Variants in DGKI observed in about 807,000 individuals in gnomAD.
The protein encoded by DGKI is DAG kinase iota.
DGKI carries 55 observed loss-of-function variants against 147.5 expected under a neutral mutation model. The observed-to-expected ratio is 0.37, with a 90% confidence interval of 0.30 to 0.47. The LOEUF (loss-of-function observed/expected upper bound fraction) is 0.47. Among genes scored for constraint, DGKI ranks in the 20% least tolerant of loss-of-function variants. DGKI has a pLI of 1.00. For missense variants in DGKI, 1,007 were observed against 1,323.8 expected (o/e 0.76, Z 3.71); for synonymous variants, 469 against 477.1 (o/e 0.98, Z 0.22).
At chr7:137,804,335 C>G (rs755943587) in intron 1 of DGKI, among the ~76,000 whole-genome samples, 2 of 152,178 alleles carry the variant, frequency 1.3e-5, no homozygotes, top group Non-Finnish European at 2.9e-5. Flanking sequence ...CAAGAAAGCA[C>G]TCAGAACATT....
chr7:137,703,145 G>A (rs773021774), intron 1 of DGKI, among the ~76,000 whole-genome samples: 2 of 152,162 alleles, frequency 1.3e-5, no homozygotes, highest in Admixed American at 6.5e-5. Context: ...TGACTGGAAG[G>A]TCTCCGGAAA....
At chr7:137,431,638 C>T (rs964143570) in intron 28 of DGKI, among the ~76,000 whole-genome samples, 3 of 152,158 alleles carry the variant, frequency 2.0e-5, no homozygotes, top group African/African-American at 7.2e-5. Context: ...CAGGTATCTC[C>T]AAAATACTTT....
intron 30 of DGKI, among the ~76,000 whole-genome samples, chr7:137,400,068 C>T (rs894157023): frequency 1.3e-5 from 2 of 152,182 alleles, no homozygotes; most frequent in African/African-American, 4.8e-5. Context: ...GATATGGGAT[C>T]ATCAGTGAAG....
rs777803613 is a variant in DGKI at position 137,619,911 on chromosome 7, C to T, written c.906G>A (p.Leu302=). The T allele has an allele frequency of 2.5e-6, 4 of 1,613,790 alleles. No homozygotes were observed. In the Admixed American group the frequency reaches 5.0e-5, roughly 20 times the overall value. ...AFHNKVTCFM[L]HHIEEPCSLG... ...GGGAGCAGGGTTCTTCAATGTGATG[C>T]AGCATGAAGCAGGTCACCTTATTGT... The change falls in exon 8 of 33, where the codon CTG becomes CTA. Residue 302 remains leucine, a synonymous_variant. Transcript: ENST00000614521.
intron 6 of DGKI, among the ~76,000 whole-genome samples, chr7:137,643,148 G>C (rs376606333): frequency 2.0e-5 from 3 of 151,474 alleles, no homozygotes; most frequent in Admixed American, 2.0e-4. Flanking sequence ...AAAATTAGCC[G>C]GGCGTGTTGG....
intron 19 of DGKI, among the ~76,000 whole-genome samples, chr7:137,566,780 A>G (rs562251880): frequency 1.2e-3 from 178 of 152,252 alleles, no homozygotes; most frequent in African/African-American, 4.0e-3. Context: ...CTCTCCTGAA[A>G]AGATCTCCTG....
At chr7:137,774,687 G>C (rs1250603997) in intron 1 of DGKI, 1 of 152,150 alleles carries the variant, frequency 6.6e-6, no homozygotes, top group African/African-American at 2.4e-5. Context: ...CCCTTACCAA[G>C]TGGCATCTCC....
At chr7:137,649,042 A>G (rs1748962769) in intron 5 of DGKI, among the ~76,000 whole-genome samples, 1 of 152,108 alleles carries the variant, frequency 6.6e-6, no homozygotes, top group Admixed American at 6.6e-5. Flanking sequence ...GATGTCCAGC[A>G]TCCTTCTGTT....
At chr7:137,439,441 A>G (rs1813409078) in intron 28 of DGKI, among the ~76,000 whole-genome samples, 1 of 152,216 alleles carries the variant, frequency 6.6e-6, no homozygotes, top group Admixed American at 6.5e-5. Context: ...GATGTCTTAC[A>G]TGGTGGCAGG....
intron 1 of DGKI, among the ~76,000 whole-genome samples, chr7:137,788,248 C>T (rs928025108): frequency 6.6e-6 from 1 of 152,058 alleles, no homozygotes; most frequent in African/African-American, 2.4e-5. Flanking sequence ...AGTTCTGGAG[C>T]CACATTTCCA....
intron 30 of DGKI, among the ~76,000 whole-genome samples, chr7:137,399,330 A>G (rs1444252135): frequency 2.6e-5 from 4 of 152,050 alleles, no homozygotes; most frequent in Non-Finnish European, 5.9e-5. Context: ...CACCTACCCT[A>G]TATTAAGGAA....
chr7:137,846,159 TCTCACACACACACACACA>T lies in DGKI; in HGVS notation c.401+285_401+302del, dbSNP rs1798717211. ...TTCTCTCTCTCTCTCTCTCTCTCTCTCTCACACACACACACACACACACACACACACACACACACACAC... is the reference window on the plus strand; with the variant it reads ...TTCTCTCTCTCTCTCTCTCTCTCTCTCACACACACACACACACACACACAC... On this transcript the variant is annotated intron_variant, in intron 1 of 32. Coordinates refer to ENST00000614521, the MANE Select transcript of DGKI (RefSeq NM_001321708.2). This position sits in a 1 kb window ranked among gnomAD's most constrained non-coding sequence, Gnocchi z 4.0. Among the ~76,000 whole-genome samples the T allele has an allele frequency of 2.3e-5, 3 of 130,134 alleles. No individual in the cohort carries two copies. Among genetic ancestry groups the T allele is most frequent in the Admixed American group, 7.7e-5 (1 of 13,038 alleles). The allele number at this position is 130,134 out of a possible 152,430, so 85.4% of individuals were successfully genotyped here. A position where few individuals can be genotyped will look rare whatever the true frequency, so the allele number is the denominator to read the frequency against.
chr7:137,634,438 C>T (rs1821240296), intron 6 of DGKI, among the ~76,000 whole-genome samples: 1 of 152,206 alleles, frequency 6.6e-6, no homozygotes. Context: ...GGGAACTATA[C>T]ACCTTTCAAA....
intron 3 of DGKI, among the ~76,000 whole-genome samples, chr7:137,673,090 CTCTTA>C (rs149011809): frequency 0.043 from 6,581 of 152,122 alleles, 480 homozygotes; most frequent in African/African-American, 0.15. Flanking sequence ...CGTGTGTCTT[CTCTTA>C]TAACGGCACA....
intron 1 of DGKI, among the ~76,000 whole-genome samples, chr7:137,793,241 T>C (rs1796916474): frequency 6.6e-6 from 1 of 152,138 alleles, no homozygotes; most frequent in South Asian, 2.1e-4. Context: ...AAAAAAGCCC[T>C]AGTTAGTCTA....
chr7:137,554,527 G>A (rs559881159), intron 19 of DGKI, among the ~76,000 whole-genome samples: 1 of 152,226 alleles, frequency 6.6e-6, no homozygotes, highest in African/African-American at 2.4e-5. Context: ...ATTGACCCAA[G>A]ACCATAGCTC....
chr7:137,534,953 CACAG>C (rs1817468380), intron 20 of DGKI, among the ~76,000 whole-genome samples: 1 of 152,014 alleles, frequency 6.6e-6, no homozygotes, highest in South Asian at 2.1e-4. Context: ...GGAATTTGGA[CACAG>C]ACAAAGAGGG....
At chr7:137,726,486 T>G (rs1339230817) in intron 1 of DGKI, among the ~76,000 whole-genome samples, 2 of 152,218 alleles carry the variant, frequency 1.3e-5, no homozygotes, top group African/African-American at 2.4e-5. Flanking sequence ...ACCGAAATTA[T>G]TAACCAAAAT....
chr7:137,463,632 A>G (rs1814538941), intron 26 of DGKI, 21 bp from the exon 27 acceptor site: 1 of 1,612,004 alleles, frequency 6.2e-7, no homozygotes, highest in African/African-American at 1.3e-5. Flanking sequence ...GAAGGGCACC[A>G]GACAGTTAAA....
Sources: gnomAD v4.1 joint callset for allele counts (sites outside exome capture counted in the v4.1 genomes callset) on GRCh38, gnomAD v4.1.1 for gene constraint, Gnocchi (gnomAD v3.1) non-coding constraint, MANE v1.5 for transcripts, NCBI Gene and HGNC (gene_info 2026-07-23, HGNC 2026-07-21) for gene names.